TACC1: variants seen among roughly 807,000 people sequenced by gnomAD.
TACC1 encodes the protein transforming acidic coiled-coil containing protein 1, also known as transforming acidic coiled-coil-containing protein 1.
In TACC1, 48 loss-of-function variants were observed where a neutral mutation model predicts 84.4. That is an observed-to-expected ratio of 0.57 (90% CI 0.45 to 0.72). The LOEUF is 0.72. TACC1 is among the 30% of genes least tolerant of loss of function. TACC1 has a pLI of 0.00. For synonymous variants in TACC1, 372 were observed against 376.3 expected, an observed-to-expected ratio of 0.99 and a Z score of 0.13; for missense variants, 920 against 973.0, an observed-to-expected ratio of 0.95 and a Z score of 0.72.
Position 38,840,584 on chromosome 8 carries a change from CA to C in TACC1, c.1960+320del, listed in dbSNP as rs199979655. ...ACACTGGGGATTAGGTTTCAATACA[CA>C]AATTTGGGGTTGGGGGGTGGCATAA... On this transcript the variant is annotated intron_variant, in intron 9 of 12. Coordinates refer to ENST00000317827, the MANE Select transcript of TACC1 (RefSeq NM_006283.3). The C allele has an allele frequency of 3.2e-3, 664 of 209,342 alleles. 5 individuals are homozygous for C. Among genetic ancestry groups the C allele is most frequent in the African/African-American group, 0.014 (628 of 43,718 alleles). 13.0% of individuals were successfully genotyped at this position (209,342 alleles called of 1,614,324 possible). A position where few individuals can be genotyped will look rare whatever the true frequency, so the allele number is the denominator to read the frequency against.
intron 3 of TACC1, among the ~76,000 whole-genome samples, chr8:38,756,332 G>C (rs910700783): frequency 9.9e-5 from 15 of 152,034 alleles, no homozygotes; most frequent in African/African-American, 3.6e-4. Flanking sequence ...AAGGGAGACA[G>C]GCAGTAACAA....
chr8:38,754,057 G>A (rs1235306674), intron 3 of TACC1, among the ~76,000 whole-genome samples: 6 of 151,188 alleles, frequency 4.0e-5, no homozygotes, highest in East Asian at 1.9e-4. Flanking sequence ...GGGTTCAAGC[G>A]ATTTTCATGT....
At chr8:38,835,323 A>T (rs1447600265) in intron 6 of TACC1, among the ~76,000 whole-genome samples, 1 of 152,208 alleles carries the variant, frequency 6.6e-6, no homozygotes, top group Non-Finnish European at 1.5e-5. Context: ...TTAGGAAGGA[A>T]AATAGTACAA....
At chr8:38,791,354 T>G (rs1818610474) in intron 2 of TACC1, among the ~76,000 whole-genome samples, 1 of 151,962 alleles carries the variant, frequency 6.6e-6, no homozygotes, top group Admixed American at 6.5e-5. Flanking sequence ...GGTAGAGGAG[T>G]GTCCAGTCCA....
rs1829189090 is a variant in TACC1 at position 38,831,325 on chromosome 8, A to G, written c.1713+148A>G. The G allele has an allele frequency of 5.0e-6, 4 of 800,140 alleles. No individual in the cohort carries two copies. The East Asian group carries it at 8.1e-5, about 16-fold the overall frequency. 49.6% of individuals were successfully genotyped at this position (800,140 alleles called of 1,614,324 possible). A position where few individuals can be genotyped will look rare whatever the true frequency, so the allele number is the denominator to read the frequency against. ...TAGTTTCTTCACTTGAGGAACACAT[A>G]GTCTCTGCATTGTAACCCTAGCCGC... is the stretch of plus-strand genomic sequence containing the variant. On this transcript the variant is annotated intron_variant, in intron 6 of 12. Transcript: ENST00000317827.
chr8:38,793,454 C>T (rs981399674), intron 2 of TACC1, among the ~76,000 whole-genome samples: 11 of 151,780 alleles, frequency 7.2e-5, no homozygotes, highest in African/African-American at 2.4e-4. Flanking sequence ...ATTTCAGGGC[C>T]CATCAATGGT....
intron 3 of TACC1, among the ~76,000 whole-genome samples, chr8:38,759,817 T>C (rs987840546): frequency 7.9e-5 from 12 of 152,216 alleles, no homozygotes; most frequent in Admixed American, 2.0e-4. Flanking sequence ...AACTGTAATA[T>C]ACATGAAAAG....
At chr8:38,739,780 T>C (rs553578322) in intron 1 of TACC1, among the ~76,000 whole-genome samples, 1 of 152,314 alleles carries the variant, frequency 6.6e-6, no homozygotes, top group Non-Finnish European at 1.5e-5. Flanking sequence ...TATTAAGACT[T>C]ACTGAGGAGT....
chr8:38,817,996 C>T (rs1438632078), intron 2 of TACC1, among the ~76,000 whole-genome samples: 1 of 149,178 alleles, frequency 6.7e-6, no homozygotes, highest in African/African-American at 2.5e-5. Context: ...CTTTGGGAGA[C>T]CAAGGCAGGC....
chr8:38,791,402 G>C (rs1818624245), intron 2 of TACC1, among the ~76,000 whole-genome samples: 2 of 152,202 alleles, frequency 1.3e-5, no homozygotes, highest in African/African-American at 2.4e-5. Context: ...TTTCAGTTTA[G>C]GGTCTTTAAA....
chr8:38,786,816 G>C (rs1316940531), upstream of TACC1, among the ~76,000 whole-genome samples: 2 of 134,602 alleles, frequency 1.5e-5, no homozygotes, highest in African/African-American at 5.9e-5. Flanking sequence ...CACAGCGGCC[G>C]CGAAGGTTTG....
At chr8:38,741,652 TG>T (rs1807094205) in intron 1 of TACC1, among the ~76,000 whole-genome samples, 1 of 152,134 alleles carries the variant, frequency 6.6e-6, no homozygotes, top group African/African-American at 2.4e-5. Context: ...AAAGTATTGG[TG>T]GATGTACTCT....
intron 2 of TACC1, chr8:38,742,455 A>G (rs1309298406): frequency 1.3e-6 from 2 of 1,528,552 alleles, no homozygotes; most frequent in Non-Finnish European, 1.8e-6. Context: ...ATCAAAGGTA[A>G]TTCTTTTCTT....
intron 3 of TACC1, among the ~76,000 whole-genome samples, chr8:38,756,388 T>C (rs540886154): frequency 6.7e-6 from 1 of 150,206 alleles, no homozygotes; most frequent in South Asian, 2.1e-4. Flanking sequence ...AGAAGGGAGG[T>C]TTGGAGAAGG....
intron 3 of TACC1, chr8:38,757,146 T>C: frequency 1.0e-5 from 7 of 667,578 alleles, no homozygotes; most frequent in Non-Finnish European, 1.4e-5. Context: ...CGCGGAGAAG[T>C]TGGCGGCATC....
rs1164896934 is a variant in TACC1 at position 38,851,122 on chromosome 8, C to T, written c.*3099C>T. 6.6e-6 allele frequency: 1 copy of T among 152,186 alleles called. No homozygotes were observed. Among genetic ancestry groups the T allele is most frequent in the East Asian group, 1.9e-4 (1 of 5,192 alleles). The allele number at this position is 152,186 out of a possible 1,614,324, so 9.4% of individuals were successfully genotyped here. A position where few individuals can be genotyped will look rare whatever the true frequency, so the allele number is the denominator to read the frequency against. On this transcript the variant is annotated 3_prime_UTR_variant, in exon 13 of 13. Transcript: ENST00000317827. Reference sequence around the variant, plus strand: ...CCCAGTTTTCTCACGTGGTTTCTAGCTTCTTCAGACTCAGCCCAAATTAGG... The same window carrying T: ...CCCAGTTTTCTCACGTGGTTTCTAGTTTCTTCAGACTCAGCCCAAATTAGG...
chr8:38,831,278 T>G, intron 6 of TACC1, 101 bp downstream of exon 6: 1 of 1,192,234 alleles, frequency 8.4e-7, no homozygotes, highest in Non-Finnish European at 1.2e-6. Flanking sequence ...TGTTAGGTGA[T>G]GAGGATAAAA....
intron 3 of TACC1, among the ~76,000 whole-genome samples, chr8:38,751,850 C>T (rs1423141151): frequency 6.6e-6 from 1 of 151,966 alleles, no homozygotes; most frequent in African/African-American, 2.4e-5. Context: ...ACTAAAAGTG[C>T]CTAGCCATAG....
At chr8:38,826,442 A>G (rs1020192319) in intron 4 of TACC1, among the ~76,000 whole-genome samples, 1 of 152,236 alleles carries the variant, frequency 6.6e-6, no homozygotes, top group African/African-American at 2.4e-5. Context: ...GTCTGATAAT[A>G]CTTATCAAAA....
Sources: allele counts gnomAD v4.1 joint callset (sites outside exome capture counted in the v4.1 genomes callset), GRCh38; gene constraint gnomAD v4.1.1; transcripts MANE v1.5; gene names NCBI Gene and HGNC (gene_info 2026-07-23, HGNC 2026-07-21).